Variants in TNKS observed in about 807,000 individuals in gnomAD.
TNKS encodes tankyrase, also known as poly [ADP-ribose] polymerase tankyrase-1.
Under a neutral mutation model 135.8 loss-of-function variants are expected in TNKS, and 72 were observed. That is an observed-to-expected ratio of 0.53 (90% CI 0.44 to 0.64). The LOEUF is 0.64. Ranked by LOEUF, TNKS falls within the 30% of genes least tolerant of loss-of-function variation. The pLI is 0.00. For missense variants in TNKS, 1,769 were observed against 1,674.0 expected (o/e 1.06, Z -0.99); for synonymous variants, 849 against 649.3 (o/e 1.31, Z -4.68).
At chr8:9,565,641 G>A (rs2129050174) in intron 1 of TNKS, among the ~76,000 whole-genome samples, 1 of 152,226 alleles carries the variant, frequency 6.6e-6, no homozygotes, top group Admixed American at 6.5e-5. Flanking sequence ...CACAAGGTCA[G>A]GAGATGGAGG....
chr8:9,766,643 G>T (rs535253417), intron 25 of TNKS, among the ~76,000 whole-genome samples: 1 of 151,950 alleles, frequency 6.6e-6, no homozygotes, highest in Non-Finnish European at 1.5e-5. Flanking sequence ...CTGCCACCAC[G>T]CCCAGCAAAT....
chr8:9,673,554 C>T (rs188263802), intron 3 of TNKS, among the ~76,000 whole-genome samples: 122 of 149,080 alleles, frequency 8.2e-4, no homozygotes, highest in African/African-American at 2.8e-3. Context: ...AAGAAATTCT[C>T]TGTCTCAGCC....
chr8:9,612,442 A>G (rs554111419), intron 2 of TNKS, among the ~76,000 whole-genome samples: 1 of 152,272 alleles, frequency 6.6e-6, no homozygotes, highest in South Asian at 2.1e-4. Context: ...CACAGACCAC[A>G]TTTATATAGC....
At position 9,782,274 on chromosome 8, in the gene TNKS, T is replaced by C. The variant is rs550485216; in HGVS notation, c.*5538T>C. On this transcript the variant is annotated 3_prime_UTR_variant, in exon 27 of 27. Transcript: ENST00000310430. ...CTTTGTGATTATATTTAACCTGCAA[T>C]TGTGCTTTGGCTTAATGTCTAGCTC... The C allele has an allele frequency of 6.5e-5, 10 of 152,792 alleles. No individual in the cohort carries two copies. Among genetic ancestry groups the C allele is most frequent in the Admixed American group, 1.3e-4 (2 of 15,304 alleles). The allele number at this position is 152,792 out of a possible 1,614,324, so 9.5% of individuals were successfully genotyped here.
intron 3 of TNKS, among the ~76,000 whole-genome samples, chr8:9,654,620 T>C (rs1801276807): frequency 6.6e-6 from 1 of 152,240 alleles, no homozygotes; most frequent in South Asian, 2.1e-4. Context: ...AGAAAGTCTA[T>C]GTCAGGTAAA....
At position 9,752,620 on chromosome 8, in the gene TNKS, A is replaced by G. The variant is rs1025575972; in HGVS notation, c.3147A>G (p.Thr1049=). ...AACACCTTCGGGATATCTTTGAAAC[A>G]GAACAGGTAAATACTCTTGTATATA... ...GLEHLRDIFE[T]EQITLDVLAD... is the part of the protein sequence containing the mutation. The change falls in exon 20 of 27, where the codon ACA becomes ACG. Residue 1049 remains threonine (T), a synonymous_variant. Transcript: ENST00000310430. 2 of 1,604,882 alleles carry G rather than the reference A, an allele frequency of 1.2e-6. No individual in the cohort carries two copies. The highest frequency in any genetic ancestry group is 1.7e-5 in the Admixed American group (1 of 59,818).
chr8:9,564,215 C>T (rs753012870), intron 1 of TNKS, among the ~76,000 whole-genome samples: 16 of 152,108 alleles, frequency 1.1e-4, no homozygotes, highest in Non-Finnish European at 2.1e-4. Flanking sequence ...GTCCAGTCAC[C>T]TGTAAAGCAT....
chr8:9,565,544 G>A (rs966025477), intron 1 of TNKS, among the ~76,000 whole-genome samples: 2 of 152,102 alleles, frequency 1.3e-5, no homozygotes, highest in African/African-American at 4.8e-5. Flanking sequence ...TAAAGCTATA[G>A]TCTCTGTGTC....
At chr8:9,576,507 G>A (rs1247539179) in intron 1 of TNKS, among the ~76,000 whole-genome samples, 2 of 136,156 alleles carry the variant, frequency 1.5e-5, no homozygotes, top group Admixed American at 1.7e-4. Context: ...GTCTGGCTCT[G>A]TTGCCCAGGC....
At chr8:9,752,522 C>T (rs368099994) in intron 19 of TNKS, 22 bp from the exon 20 acceptor site, 2 of 1,580,694 alleles carry the variant, frequency 1.3e-6, no homozygotes, top group Non-Finnish European at 1.7e-6. Context: ...TTCTGAGAAT[C>T]TTTAATATGT....
At chr8:9,684,246 C>T (rs572236742) in intron 5 of TNKS, among the ~76,000 whole-genome samples, 32 of 152,012 alleles carry the variant, frequency 2.1e-4, no homozygotes, top group Non-Finnish European at 3.2e-4. Context: ...TTTAATCTCC[C>T]TTTACAGTGT....
At chr8:9,722,966 A>G (rs993942485) in intron 12 of TNKS, among the ~76,000 whole-genome samples, 10 of 152,124 alleles carry the variant, frequency 6.6e-5, no homozygotes, top group South Asian at 2.1e-4. Flanking sequence ...AATACTGAAT[A>G]CAAATGAAAT....
At chr8:9,569,056 C>T (rs993818750) in intron 1 of TNKS, among the ~76,000 whole-genome samples, 5 of 152,070 alleles carry the variant, frequency 3.3e-5, no homozygotes, top group Non-Finnish European at 7.3e-5. Context: ...GTTAATATTG[C>T]CACTAATCTC....
chr8:9,621,948 G>C (rs751234642), intron 3 of TNKS, among the ~76,000 whole-genome samples: 1 of 152,064 alleles, frequency 6.6e-6, no homozygotes, highest in Non-Finnish European at 1.5e-5. Flanking sequence ...AAGTTAAAAG[G>C]CGTTACTGCT....
In TNKS at chr8:9,754,493, AT is replaced by A. The variant is rs547239048; in HGVS notation, c.3153+1875del. Among the ~76,000 whole-genome samples, 33 of 151,808 alleles carry A rather than the reference AT, an allele frequency of 2.2e-4. No homozygotes were observed. The South Asian group carries it at 6.5e-3, about 30-fold the overall frequency. On this transcript the variant is annotated intron_variant, in intron 20 of 26. Coordinates refer to ENST00000310430, the MANE Select transcript of TNKS (RefSeq NM_003747.3). ...TATTTATATCAATTATACTGTTAAG[AT>A]TTTTTTTCTGCTTTCTCTCTTTTTT...
At chr8:9,743,997 C>T (rs1290315306) in intron 17 of TNKS, among the ~76,000 whole-genome samples, 1 of 152,114 alleles carries the variant, frequency 6.6e-6, no homozygotes, top group East Asian at 1.9e-4. Flanking sequence ...GATCATTATT[C>T]CTTCATACTT....
At chr8:9,647,305 A>G (rs1388758549) in intron 3 of TNKS, among the ~76,000 whole-genome samples, 1 of 152,178 alleles carries the variant, frequency 6.6e-6, no homozygotes, top group Non-Finnish European at 1.5e-5. Context: ...GTTGCTGAGT[A>G]CAAGGGATAG....
intron 2 of TNKS, among the ~76,000 whole-genome samples, chr8:9,610,156 C>T (rs1013726938): frequency 2.8e-5 from 4 of 144,832 alleles, no homozygotes; most frequent in African/African-American, 1.0e-4. Context: ...TGCGCCCGGC[C>T]TTGAATTTTC....
chr8:9,603,563 A>G (rs576930955), intron 2 of TNKS, among the ~76,000 whole-genome samples: 6 of 152,292 alleles, frequency 3.9e-5, no homozygotes, highest in African/African-American at 1.4e-4. Context: ...CCTGACACCC[A>G]GTTCAGTTCC....
Sources: allele counts gnomAD v4.1 joint callset (sites outside exome capture counted in the v4.1 genomes callset), GRCh38; gene constraint gnomAD v4.1.1; transcripts MANE v1.5; gene names NCBI Gene and HGNC (gene_info 2026-07-23, HGNC 2026-07-21).